The following GSK3B variants were observed in gnomAD, a reference collection of about 807,000 sequenced individuals.
The protein encoded by GSK3B is glycogen synthase kinase 3 beta.
GSK3B carries 15 observed loss-of-function variants against 56.4 expected under a neutral mutation model. That is an observed-to-expected ratio of 0.27 (90% CI 0.18 to 0.41). The LOEUF is 0.41. Among genes scored for constraint, GSK3B ranks in the 10% least tolerant of loss-of-function variants. GSK3B has a pLI of 1.00. For synonymous variants in GSK3B, 181 were observed against 188.9 expected, an observed-to-expected ratio of 0.96 and a Z score of 0.34; for missense variants, 300 against 513.4, an observed-to-expected ratio of 0.58 and a Z score of 4.02.
chr3:120,051,618 T>C (rs896454437), intron 1 of GSK3B, among the ~76,000 whole-genome samples: 1 of 151,886 alleles, frequency 6.6e-6, no homozygotes, highest in South Asian at 2.1e-4. Flanking sequence ...AATACAAAAA[T>C]TAGCCAGGTG....
intron 9 of GSK3B, among the ~76,000 whole-genome samples, chr3:119,845,655 AAG>A (rs1436821573): frequency 6.6e-6 from 1 of 152,220 alleles, no homozygotes; most frequent in African/African-American, 2.4e-5. Flanking sequence ...TCAAGGAAAT[AAG>A]AGAGGACACA....
chr3:119,915,198 T>C (rs1256727810), intron 5 of GSK3B, among the ~76,000 whole-genome samples: 1 of 152,042 alleles, frequency 6.6e-6, no homozygotes, highest in Non-Finnish European at 1.5e-5. Flanking sequence ...GCAGAAAGTT[T>C]GATGAAATTT....
chr3:119,865,462 A>T (rs1232771183), intron 8 of GSK3B, among the ~76,000 whole-genome samples: 12 of 27,126 alleles, frequency 4.4e-4, no homozygotes, highest in Non-Finnish European at 8.2e-4. Flanking sequence ...ATATATATAT[A>T]TATATTTTTT....
At chr3:119,986,968 C>T (rs1489137891) in intron 2 of GSK3B, among the ~76,000 whole-genome samples, 3 of 152,190 alleles carry the variant, frequency 2.0e-5, no homozygotes, top group Non-Finnish European at 4.4e-5. Context: ...AAATGTGGCA[C>T]ATATACAGCA....
At chr3:120,028,999 T>C (rs1195268834) in intron 1 of GSK3B, 1 of 610,944 alleles carries the variant, frequency 1.6e-6, no homozygotes, top group Non-Finnish European at 3.0e-6. Context: ...AACGGCCTTT[T>C]ATCCTTCTTT....
intron 1 of GSK3B, among the ~76,000 whole-genome samples, chr3:120,025,027 G>C (rs567174705): frequency 6.6e-6 from 1 of 152,306 alleles, no homozygotes; most frequent in Non-Finnish European, 1.5e-5. Flanking sequence ...CAGGCAGTGT[G>C]TGTCAGGAGA....
At chr3:119,841,868 G>C (rs2055776538) in intron 10 of GSK3B, among the ~76,000 whole-genome samples, 1 of 152,114 alleles carries the variant, frequency 6.6e-6, no homozygotes, top group African/African-American at 2.4e-5. Flanking sequence ...ATCTTTATTA[G>C]CAACATTTTA....
At chr3:119,947,913 G>A (rs1428506375) in intron 2 of GSK3B, among the ~76,000 whole-genome samples, 2 of 150,390 alleles carry the variant, frequency 1.3e-5, no homozygotes, top group Non-Finnish European at 3.0e-5. Context: ...AAATTATACA[G>A]TCCTGATAGA....
At chr3:119,848,630 G>C (rs566162819) in intron 9 of GSK3B, among the ~76,000 whole-genome samples, 1 of 152,090 alleles carries the variant, frequency 6.6e-6, no homozygotes, top group African/African-American at 2.4e-5. Flanking sequence ...AAGGGAAATT[G>C]TACTTTTAAT....
At chr3:120,018,930 T>A (rs2057849592) in intron 1 of GSK3B, among the ~76,000 whole-genome samples, 1 of 152,192 alleles carries the variant, frequency 6.6e-6, no homozygotes, top group Non-Finnish European at 1.5e-5. Flanking sequence ...CAACAGGTGC[T>A]ACTTTTGTAG....
chr3:119,892,238 C>T (rs978830319), intron 7 of GSK3B, among the ~76,000 whole-genome samples: 1 of 152,142 alleles, frequency 6.6e-6, no homozygotes, highest in Non-Finnish European at 1.5e-5. Context: ...TTGCTTCCAA[C>T]TGCTTACAAG....
In GSK3B at chr3:119,907,805, C is replaced by T. The variant is rs542241748; in HGVS notation, c.716-1953G>A. Among the ~76,000 whole-genome samples the T allele has an allele frequency of 1.2e-4, 18 of 152,248 alleles. No homozygotes were observed. In the South Asian group the frequency reaches 1.2e-3, roughly 11 times the overall value. On this transcript the variant is annotated intron_variant, in intron 6 of 10. Transcript: ENST00000264235. ...AAGGTAAAGGTACTGAATAGTAGAGCTAGGCCTGGAATCATTCTCAATTCC... is the reference window on the plus strand; with the variant it reads ...AAGGTAAAGGTACTGAATAGTAGAGTTAGGCCTGGAATCATTCTCAATTCC...
At chr3:120,049,022 T>C (rs1404035426) in intron 1 of GSK3B, among the ~76,000 whole-genome samples, 1 of 152,214 alleles carries the variant, frequency 6.6e-6, no homozygotes, top group Non-Finnish European at 1.5e-5. Context: ...AAGGCAAATC[T>C]AGTTCCTTTT....
chr3:119,915,537 A>ATG (rs1299445751), intron 5 of GSK3B, among the ~76,000 whole-genome samples: 5 of 152,042 alleles, frequency 3.3e-5, no homozygotes, highest in Non-Finnish European at 7.4e-5. Context: ...TTGTGTATAT[A>ATG]TGTGTGTGTG....
At chr3:120,045,339 C>G (rs1350097420) in intron 1 of GSK3B, among the ~76,000 whole-genome samples, 4 of 152,188 alleles carry the variant, frequency 2.6e-5, no homozygotes, top group African/African-American at 9.6e-5. Context: ...CTCCTTGCCT[C>G]TAGTTACTGT....
At chr3:120,073,584 C>T (rs1300831353) in intron 1 of GSK3B, among the ~76,000 whole-genome samples, 1 of 152,152 alleles carries the variant, frequency 6.6e-6, no homozygotes, top group East Asian at 1.9e-4. Context: ...CAATTACTTT[C>T]TCCTCCATAA....
chr3:120,071,246 C>CT (rs1012032990), intron 1 of GSK3B, among the ~76,000 whole-genome samples: 1 of 152,186 alleles, frequency 6.6e-6, no homozygotes, highest in South Asian at 2.1e-4. Flanking sequence ...TGTGATCACT[C>CT]TTTTAGCTCC....
intron 2 of GSK3B, among the ~76,000 whole-genome samples, chr3:119,998,380 T>C (rs1192497499): frequency 1.3e-5 from 2 of 152,148 alleles, no homozygotes; most frequent in Non-Finnish European, 2.9e-5. Flanking sequence ...AACAATCACA[T>C]AGTACACTTG....
rs904406312 is a variant in GSK3B at position 120,033,988 on chromosome 3, C to A, written c.89-31749G>T. ...ATAGCAGTATAAGAATAGACTAATA[C>A]ATGCACTTATCAACCATTATGTATA... On this transcript the variant is annotated intron_variant, in intron 1 of 10. Transcript: ENST00000264235. Among the ~76,000 whole-genome samples the A allele has an allele frequency of 4.9e-4, 74 of 152,162 alleles. 3 individuals are homozygous for A.
Sources: allele counts gnomAD v4.1 joint callset (sites outside exome capture counted in the v4.1 genomes callset), GRCh38; gene constraint gnomAD v4.1.1; transcripts MANE v1.5; gene names NCBI Gene and HGNC (gene_info 2026-07-23, HGNC 2026-07-21).